The following SRGAP3 variants were observed in gnomAD, a reference collection of about 807,000 sequenced individuals.
SRGAP3 encodes the protein SLIT-ROBO Rho GTPase-activating protein 3.
Under a neutral mutation model 121.1 loss-of-function variants are expected in SRGAP3, and 39 were observed. The observed-to-expected ratio is 0.32, with a 90% CI of 0.25 to 0.42. The LOEUF (loss-of-function observed/expected upper bound fraction) is 0.42. Among genes scored for constraint, SRGAP3 ranks in the 10% least tolerant of loss-of-function variants. SRGAP3 has a pLI of 1.00. For missense variants in SRGAP3, 1,213 were observed against 1,470.6 expected (o/e 0.82, Z 2.86); for synonymous variants, 601 against 570.0 (o/e 1.05, Z -0.77).
intron 3 of SRGAP3, among the ~76,000 whole-genome samples, chr3:9,298,539 C>T (rs1954992814): frequency 6.7e-6 from 1 of 149,788 alleles, no homozygotes; most frequent in Admixed American, 6.6e-5. Context: ...GCACATGCCC[C>T]TCCTTCTACC....
chr3:9,096,279 A>G (rs1947962307), intron 3 of SRGAP3, among the ~76,000 whole-genome samples: 3 of 152,214 alleles, frequency 2.0e-5, no homozygotes, highest in Admixed American at 2.0e-4. Flanking sequence ...ATATTTATAT[A>G]TGAATGACAA....
intron 1 of SRGAP3, among the ~76,000 whole-genome samples, chr3:9,202,852 T>G (rs1276559204): frequency 6.6e-6 from 1 of 152,224 alleles, no homozygotes; most frequent in Non-Finnish European, 1.5e-5. Context: ...GGAGCCCCTC[T>G]CCAGAACATG....
intron 3 of SRGAP3, among the ~76,000 whole-genome samples, chr3:9,303,582 T>C (rs186151168): frequency 5.3e-5 from 8 of 152,346 alleles, no homozygotes; most frequent in Non-Finnish European, 1.0e-4. Flanking sequence ...TTGATTTAGC[T>C]AACACTTTTT....
intron 1 of SRGAP3, among the ~76,000 whole-genome samples, chr3:9,176,673 G>A (rs1951190346): frequency 6.6e-6 from 1 of 152,190 alleles, no homozygotes; most frequent in African/African-American, 2.4e-5. Context: ...CAATCATGGT[G>A]GAAGTCAAAG....
chr3:9,327,973 A>G (rs1955547117), intron 2 of SRGAP3, among the ~76,000 whole-genome samples: 1 of 152,208 alleles, frequency 6.6e-6, no homozygotes, highest in Non-Finnish European at 1.5e-5. Flanking sequence ...TTAATTCCAT[A>G]TATCCCCAGA....
intron 1 of SRGAP3, among the ~76,000 whole-genome samples, chr3:9,241,584 G>A (rs1461031918): frequency 6.6e-6 from 1 of 152,198 alleles, no homozygotes; most frequent in Non-Finnish European, 1.5e-5. Context: ...TCCTCTCCCA[G>A]TGAAACCTCT....
intron 14 of SRGAP3, among the ~76,000 whole-genome samples, chr3:9,018,059 G>A (rs1327507574): frequency 6.6e-6 from 1 of 152,164 alleles, no homozygotes; most frequent in Non-Finnish European, 1.5e-5. Context: ...CTGTGTCCAT[G>A]AGATAAAGTG....
rs535274432 is a variant in SRGAP3, at chr3:9,234,346, T to C, written c.67+14539A>G. 3.9e-5 allele frequency among the ~76,000 whole-genome samples: 6 copies of C among 152,256 alleles called. No homozygotes were observed. The South Asian group carries it at 1.2e-3, about 32-fold the overall frequency. On this transcript the variant is annotated intron_variant, in intron 1 of 21. Transcript: ENST00000383836. ...AAGTAAAGACATTGTGACTGCCAAC[T>C]CTGCTTGGAAGTGTCCTACCGAGAC...
At chr3:9,189,646 G>A (rs556047757) in intron 1 of SRGAP3, among the ~76,000 whole-genome samples, 1 of 152,196 alleles carries the variant, frequency 6.6e-6, no homozygotes, top group East Asian at 1.9e-4. Flanking sequence ...TACAATGGCT[G>A]CCAGGAGGGC....
chr3:9,116,488 T>C (rs1027300144), intron 2 of SRGAP3, among the ~76,000 whole-genome samples: 2 of 152,104 alleles, frequency 1.3e-5, no homozygotes, highest in African/African-American at 4.8e-5. Context: ...GATCACTCCT[T>C]GATAATCTGA....
intron 1 of SRGAP3, among the ~76,000 whole-genome samples, chr3:9,355,399 A>AT (rs2030440945): frequency 1.3e-5 from 2 of 152,154 alleles, no homozygotes; most frequent in African/African-American, 4.8e-5. Context: ...CACGGTGATA[A>AT]TTTGTGAGAC....
chr3:9,049,662 T>C (rs1236624047), intron 9 of SRGAP3, among the ~76,000 whole-genome samples: 1 of 152,144 alleles, frequency 6.6e-6, no homozygotes, highest in Non-Finnish European at 1.5e-5. Flanking sequence ...AAATTCCTGT[T>C]CTAGAATAAC....
rs1215835885 is a variant in SRGAP3 at position 9,124,966 on chromosome 3, G to T, written c.68-49C>A. The T allele has an allele frequency of 2.5e-6, 4 of 1,608,394 alleles. No individual in the cohort carries two copies. In the African/African-American group the frequency reaches 4.0e-5, roughly 16 times the overall value. On this transcript the variant is annotated intron_variant, in intron 1 of 21. Coordinates refer to ENST00000383836, the MANE Select transcript of SRGAP3 (RefSeq NM_014850.4). ...CATGAGACTGGTGGTGGGGACGGGG[G>T]CACTGGGGCCCGCTCTGCTGCTGGC...
intron 1 of SRGAP3, among the ~76,000 whole-genome samples, chr3:9,165,216 G>A (rs960413689): frequency 1.3e-5 from 2 of 152,250 alleles, no homozygotes; most frequent in Non-Finnish European, 2.9e-5. Context: ...GGAAGGGAGG[G>A]TCATGCTACC....
chr3:9,023,127 T>C (rs1944008064), intron 14 of SRGAP3, among the ~76,000 whole-genome samples: 1 of 152,220 alleles, frequency 6.6e-6, no homozygotes, highest in African/African-American at 2.4e-5. Flanking sequence ...GGCAAAGTGG[T>C]TGCCAGGCTG....
intron 1 of SRGAP3, among the ~76,000 whole-genome samples, chr3:9,202,794 G>C (rs1278615655): frequency 6.6e-6 from 1 of 152,262 alleles, no homozygotes; most frequent in Non-Finnish European, 1.5e-5. Context: ...CATGCCAGGA[G>C]GGCAAGACCA....
chr3:9,243,825 A>C (rs1953734238), intron 1 of SRGAP3, among the ~76,000 whole-genome samples: 1 of 152,192 alleles, frequency 6.6e-6, no homozygotes, highest in Admixed American at 6.5e-5. Flanking sequence ...AACAGGCTAA[A>C]ACTGTTCTAC....
intron 11 of SRGAP3, chr3:9,034,519 G>C (rs1421146768): frequency 6.6e-6 from 1 of 152,204 alleles, no homozygotes; most frequent in Non-Finnish European, 1.5e-5. Flanking sequence ...CTAGGTGTTT[G>C]AGTATTGAGC....
intron 1 of SRGAP3, among the ~76,000 whole-genome samples, chr3:9,341,268 C>T (rs1323138187): frequency 6.7e-6 from 1 of 149,474 alleles, no homozygotes. Context: ...GAGAGCAGCA[C>T]GATGTGGACA....
Sources: allele counts gnomAD v4.1 joint callset (sites outside exome capture counted in the v4.1 genomes callset), GRCh38; gene constraint gnomAD v4.1.1; transcripts MANE v1.5; gene names NCBI Gene and HGNC (gene_info 2026-07-23, HGNC 2026-07-21).